LYPLAL1: variants seen among roughly 807,000 people sequenced by gnomAD.
LYPLAL1 encodes the protein lysophospholipase-like protein 1.
A neutral mutation model predicts 19.7 loss-of-function variants in LYPLAL1; 23 were observed. The observed-to-expected ratio is 1.17, with a 90% CI of 0.84 to 1.65. The LOEUF is 1.65. Ranked by LOEUF, LYPLAL1 falls within the 40% of genes most tolerant of loss-of-function variation. The pLI, the probability that LYPLAL1 is intolerant of heterozygous loss-of-function variation, is 0.00. For synonymous variants in LYPLAL1, 119 were observed against 96.3 expected (o/e 1.24, Z -1.38); for missense variants, 355 against 279.4 (o/e 1.27, Z -1.93).
Position 219,210,516 on chromosome 1 carries a change from A to G in LYPLAL1, c.362-16A>G, listed in dbSNP as rs200404813. The G allele has an allele frequency of 7.1e-7, 1 of 1,409,196 alleles. No homozygotes were observed. The highest frequency in any genetic ancestry group is 2.1e-5 in the Admixed American group (1 of 46,656). 87.3% of individuals were successfully genotyped at this position (1,409,196 alleles called of 1,614,324 possible). A position where few individuals can be genotyped will look rare whatever the true frequency, so the allele number is the denominator to read the frequency against. On this transcript the variant is annotated splice_polypyrimidine_tract_variant and intron_variant, in intron 3 of 4. Transcript: ENST00000366928. Reference sequence around the variant, plus strand: ...TATTTTATGTATTCTACTTTTAAGTATGTTTTTGTTTTTAGGAGGATTCTC... The same window carrying G: ...TATTTTATGTATTCTACTTTTAAGTGTGTTTTTGTTTTTAGGAGGATTCTC...
the LYPLAL1 span, among the ~76,000 whole-genome samples, chr1:219,402,197 A>G: frequency 6.6e-6 from 1 of 152,196 alleles, no homozygotes; most frequent in Non-Finnish European, 1.5e-5. Flanking sequence ...CTGTTTGGAA[A>G]ATATGAAATG....
At chr1:219,180,236 C>T (rs754978644) in intron 2 of LYPLAL1, among the ~76,000 whole-genome samples, 3 of 152,172 alleles carry the variant, frequency 2.0e-5, no homozygotes, top group Admixed American at 6.5e-5. Context: ...CCACTCACCG[C>T]GGCCTCCCAA....
chr1:219,269,721 A>G, the LYPLAL1 span, among the ~76,000 whole-genome samples: 6 of 152,232 alleles, frequency 3.9e-5, no homozygotes, highest in East Asian at 7.7e-4. Flanking sequence ...ATTTAAATCA[A>G]TGAACTGAAT....
chr1:219,187,038 T>G (rs958488782), intron 2 of LYPLAL1, among the ~76,000 whole-genome samples: 5 of 151,798 alleles, frequency 3.3e-5, no homozygotes, highest in South Asian at 2.1e-4. Context: ...CTTTGTTGTT[T>G]TTTTTTTCCT....
intron 1 of LYPLAL1, among the ~76,000 whole-genome samples, chr1:219,176,403 T>G (rs1358158275): frequency 6.6e-6 from 1 of 152,158 alleles, no homozygotes; most frequent in Non-Finnish European, 1.5e-5. Context: ...GCTTTCTTCT[T>G]GTGTGGTAAG....
At chr1:219,253,236 T>C in the LYPLAL1 span, among the ~76,000 whole-genome samples, 1 of 152,068 alleles carries the variant, frequency 6.6e-6, no homozygotes. Context: ...AGAAAACAAC[T>C]CCTGGATTTA....
the LYPLAL1 span, among the ~76,000 whole-genome samples, chr1:219,280,581 A>G: frequency 6.6e-6 from 1 of 152,190 alleles, no homozygotes; most frequent in Non-Finnish European, 1.5e-5. Flanking sequence ...ATTCTGAACA[A>G]CATATATGTT....
the LYPLAL1 span, among the ~76,000 whole-genome samples, chr1:219,241,282 G>T: frequency 6.6e-6 from 1 of 150,790 alleles, no homozygotes; most frequent in Non-Finnish European, 1.5e-5. Context: ...ACAAGGAGAA[G>T]CCATCCAACC....
At chr1:219,248,513 AAAG>A in the LYPLAL1 span, among the ~76,000 whole-genome samples, 1 of 152,180 alleles carries the variant, frequency 6.6e-6, no homozygotes, top group Admixed American at 6.6e-5. Flanking sequence ...TATTTCCAGA[AAAG>A]AAGTTATCAA....
chr1:219,248,856 AAAAT>A, the LYPLAL1 span, among the ~76,000 whole-genome samples: 1 of 152,132 alleles, frequency 6.6e-6, no homozygotes, highest in African/African-American at 2.4e-5. Flanking sequence ...AAACGCAAAG[AAAAT>A]AAATCCTATA....
chr1:219,233,326 G>A, the LYPLAL1 span, among the ~76,000 whole-genome samples: 2 of 152,194 alleles, frequency 1.3e-5, no homozygotes, highest in South Asian at 2.1e-4. Context: ...AAATAGGATC[G>A]TAGTTGCCTG....
the LYPLAL1 span, among the ~76,000 whole-genome samples, chr1:219,371,375 G>A: frequency 6.6e-6 from 1 of 152,148 alleles, no homozygotes; most frequent in African/African-American, 2.4e-5. Flanking sequence ...TTGCCCTCCT[G>A]GGGGGTCAGG....
chr1:219,183,768 A>G lies in LYPLAL1; in HGVS notation c.191+4522A>G, dbSNP rs564795560. 2.5e-4 allele frequency among the ~76,000 whole-genome samples: 38 copies of G among 152,032 alleles called. 1 individual carries two copies. In the South Asian group the frequency reaches 7.9e-3, roughly 32 times the overall value. On this transcript the variant is annotated intron_variant, in intron 2 of 4. Coordinates refer to ENST00000366928, the MANE Select transcript of LYPLAL1 (RefSeq NM_138794.5). The stretch of plus-strand genomic sequence containing the variant: ...TCTATATGTGTGTATCAATAGTTCA[A>G]TTTTTAAAATTCTAAGTAGGTATTA...
chr1:219,345,777 TGAAAG>T, the LYPLAL1 span, among the ~76,000 whole-genome samples: 1 of 151,998 alleles, frequency 6.6e-6, no homozygotes, highest in Non-Finnish European at 1.5e-5. Context: ...GGGAGGAAAA[TGAAAG>T]GAAGGAAGCA....
the LYPLAL1 span, among the ~76,000 whole-genome samples, chr1:219,328,026 A>G: frequency 3.6e-4 from 55 of 152,234 alleles, no homozygotes; most frequent in African/African-American, 1.3e-3. Context: ...AGACGAGAAT[A>G]TTTATCCTAT....
intron 2 of LYPLAL1, among the ~76,000 whole-genome samples, chr1:219,186,509 G>A (rs962646008): frequency 6.8e-6 from 1 of 147,678 alleles, no homozygotes; most frequent in Admixed American, 6.9e-5. Flanking sequence ...ATTATTAGGT[G>A]CATATTCATG....
At chr1:219,196,856 T>A (rs1397425039) in intron 3 of LYPLAL1, among the ~76,000 whole-genome samples, 1 of 151,946 alleles carries the variant, frequency 6.6e-6, no homozygotes, top group African/African-American at 2.4e-5. Context: ...ACACCAACAG[T>A]AGGCAAGCAG....
At chr1:219,263,149 T>C in the LYPLAL1 span, among the ~76,000 whole-genome samples, 5 of 152,278 alleles carry the variant, frequency 3.3e-5, no homozygotes, top group East Asian at 1.9e-4. Flanking sequence ...GGTCAGACTC[T>C]CCTTGGGTCA....
chr1:219,351,078 T>C, the LYPLAL1 span, among the ~76,000 whole-genome samples: 2 of 151,940 alleles, frequency 1.3e-5, no homozygotes, highest in African/African-American at 4.8e-5. Flanking sequence ...GCTCTGAAGA[T>C]CTTTCTACTA....
Sources: allele counts gnomAD v4.1 joint callset (sites outside exome capture counted in the v4.1 genomes callset), GRCh38; gene constraint gnomAD v4.1.1; transcripts MANE v1.5; gene names NCBI Gene and HGNC (gene_info 2026-07-23, HGNC 2026-07-21).